TANC1: variants seen among roughly 807,000 people sequenced by gnomAD.
The protein encoded by TANC1 is protein TANC1.
TANC1 carries 77 observed loss-of-function variants against 149.7 expected under a neutral mutation model. That is an observed-to-expected ratio of 0.51 (90% CI 0.43 to 0.62). The LOEUF is 0.62. Ranked by LOEUF, TANC1 falls within the 20% of genes least tolerant of loss-of-function variation. The probability of loss-of-function intolerance (pLI) is 0.00; values close to 1 mark genes in which losing one functional copy is unlikely to be tolerated. For synonymous variants in TANC1, 854 were observed against 925.0 expected (o/e 0.92, Z 1.39); for missense variants, 1,985 against 2,321.8 (o/e 0.85, Z 2.98).
Position 159,001,624 on chromosome 2 carries a change from T to G in TANC1, c.-16+435T>G, listed in dbSNP as rs1272650754. ...GGTTCATTGTCACTTATTAAATATTTGAATGTGTGCTGGGGATTTTGTTAA... is the reference window on the plus strand; with the variant it reads ...GGTTCATTGTCACTTATTAAATATTGGAATGTGTGCTGGGGATTTTGTTAA... On this transcript the variant is annotated intron_variant, in intron 2 of 26. Transcript: ENST00000263635. The surrounding 1 kb of genome is among the most constrained non-coding windows in gnomAD (Gnocchi z 4.3). Among the ~76,000 whole-genome samples, 1 of 152,204 alleles carries G rather than the reference T, an allele frequency of 6.6e-6. No individual in the cohort carries two copies. Among genetic ancestry groups the G allele is most frequent in the East Asian group, 1.9e-4 (1 of 5,194 alleles).
intron 2 of TANC1, among the ~76,000 whole-genome samples, chr2:159,054,163 C>T (rs533745186): frequency 6.6e-6 from 1 of 152,284 alleles, no homozygotes; most frequent in Admixed American, 6.5e-5. Flanking sequence ...GAAAGGAGGC[C>T]TGGTAGACTG....
At chr2:159,064,428 GA>G (rs2042499705) in intron 2 of TANC1, among the ~76,000 whole-genome samples, 1 of 152,166 alleles carries the variant, frequency 6.6e-6, no homozygotes, top group South Asian at 2.1e-4. Context: ...TTCTGCCTAA[GA>G]TACTATCTTT....
intron 3 of TANC1, among the ~76,000 whole-genome samples, chr2:159,090,667 A>G (rs1475367314): frequency 6.6e-6 from 1 of 152,228 alleles, no homozygotes; most frequent in African/African-American, 2.4e-5. Flanking sequence ...AATTCCATGC[A>G]GATTGACGGT....
intron 2 of TANC1, among the ~76,000 whole-genome samples, chr2:159,041,327 A>G (rs566086181): frequency 2.0e-5 from 3 of 152,334 alleles, no homozygotes; most frequent in African/African-American, 7.2e-5. Context: ...GCTGTCAGAC[A>G]GGGACGTTTA....
At chr2:159,156,653 A>C (rs894589518) in intron 7 of TANC1, among the ~76,000 whole-genome samples, 3 of 152,342 alleles carry the variant, frequency 2.0e-5, no homozygotes, top group African/African-American at 7.2e-5. Context: ...CTGACGGAAG[A>C]TGTATGCTGT....
rs1023999823 is a variant in TANC1 at position 159,202,797 on chromosome 2, C to T, written c.3244+3744C>T. 2.0e-5 allele frequency among the ~76,000 whole-genome samples: 3 copies of T among 152,258 alleles called. No individual in the cohort carries two copies. In the East Asian group the frequency reaches 5.8e-4, roughly 29 times the overall value. On this transcript the variant is annotated intron_variant, in intron 19 of 26. Transcript: ENST00000263635. ...AAACATGGTGAGAACCCACCAGATGCTTATGGCATCTGTTTCAGGCATTCC... is the reference window on the plus strand; with the variant it reads ...AAACATGGTGAGAACCCACCAGATGTTTATGGCATCTGTTTCAGGCATTCC...
At position 159,174,935 on chromosome 2, in the gene TANC1, G is replaced by C. The variant is rs372455576; in HGVS notation, c.1504-18G>C. The C allele has an allele frequency of 6.2e-7, 1 of 1,601,546 alleles. No individual in the cohort carries two copies. The highest frequency in any genetic ancestry group is 2.2e-5 in the East Asian group (1 of 44,826). On this transcript the variant is annotated intron_variant, in intron 11 of 26. Transcript: ENST00000263635. ...GTGAAGAGGGTGAGGTGATGCTGAC[G>C]GTTCTGCTTCCCCCTAGGTGGTGGC...
chr2:159,228,176 C>T (rs2060132273), intron 25 of TANC1: 4 of 564,100 alleles, frequency 7.1e-6, no homozygotes, highest in Non-Finnish European at 9.2e-6. Flanking sequence ...TGAAGGAATG[C>T]ACTTGGGTTT....
At chr2:159,228,634 A>G (rs187630168) in intron 25 of TANC1, 162 bp from the exon 26 acceptor site, 3 of 636,558 alleles carry the variant, frequency 4.7e-6, no homozygotes, top group East Asian at 2.6e-5. Context: ...ATCAACCATC[A>G]TTATCTCCTC....
At chr2:159,167,476 G>A (rs6710028) in intron 8 of TANC1, among the ~76,000 whole-genome samples, 104 of 152,262 alleles carry the variant, frequency 6.8e-4, no homozygotes, top group Non-Finnish European at 1.2e-3. Context: ...TTGGATTACC[G>A]TACATTCGAT....
chr2:159,035,297 C>T (rs1162922095), intron 2 of TANC1, among the ~76,000 whole-genome samples: 1 of 152,074 alleles, frequency 6.6e-6, no homozygotes, highest in Non-Finnish European at 1.5e-5. Flanking sequence ...AGTCTCTAAC[C>T]TCCTGTGTTT....
intron 19 of TANC1, 116 bp from the exon 20 acceptor site, chr2:159,217,381 A>C: frequency 7.4e-7 from 1 of 1,348,774 alleles, no homozygotes; most frequent in Admixed American, 2.0e-5. Context: ...GCAGGTTCAA[A>C]GGGGGAGGAC....
intron 12 of TANC1, among the ~76,000 whole-genome samples, chr2:159,176,149 T>G (rs2055835660): frequency 6.6e-6 from 1 of 152,240 alleles, no homozygotes; most frequent in Admixed American, 6.5e-5. Context: ...GTTTGTTTTG[T>G]GAGAATTGGT....
At chr2:159,208,213 A>G (rs1489900093) in intron 19 of TANC1, among the ~76,000 whole-genome samples, 1 of 152,218 alleles carries the variant, frequency 6.6e-6, no homozygotes, top group Admixed American at 6.5e-5. Flanking sequence ...CAGGGTTGTG[A>G]TAAGTTGATT....
chr2:159,218,714 G>T (rs1339806428), intron 20 of TANC1, among the ~76,000 whole-genome samples: 7 of 152,208 alleles, frequency 4.6e-5, no homozygotes, highest in Admixed American at 1.3e-4. Flanking sequence ...TCTCCTCAAG[G>T]TGCTTTGCTA....
intron 5 of TANC1, among the ~76,000 whole-genome samples, chr2:159,140,751 C>T (rs989218277): frequency 1.2e-4 from 16 of 136,842 alleles, no homozygotes; most frequent in African/African-American, 4.1e-4. Flanking sequence ...AGTGCAGTGG[C>T]ACAGTCTCGG....
chr2:158,983,468 C>CAAAAAA (rs35472970), intron 1 of TANC1, among the ~76,000 whole-genome samples: 101 of 88,774 alleles, frequency 1.1e-3, no homozygotes, highest in African/African-American at 2.3e-3. Flanking sequence ...CTCCGTCTCC[C>CAAAAAA]AAAAAAAAAA....
intron 1 of TANC1, among the ~76,000 whole-genome samples, chr2:158,987,393 G>T (rs2035129184): frequency 6.6e-6 from 1 of 151,808 alleles, no homozygotes. Context: ...GGCTGTGGTG[G>T]TGCACACCTG....
chr2:158,982,750 G>A (rs1438223138), intron 1 of TANC1, among the ~76,000 whole-genome samples: 1 of 152,128 alleles, frequency 6.6e-6, no homozygotes, highest in East Asian at 1.9e-4. Flanking sequence ...TGGGACCACA[G>A]GTGTGCACCA....
Sources: gnomAD v4.1 joint callset for allele counts (sites outside exome capture counted in the v4.1 genomes callset) on GRCh38, gnomAD v4.1.1 for gene constraint, Gnocchi (gnomAD v3.1) non-coding constraint, MANE v1.5 for transcripts, NCBI Gene and HGNC (gene_info 2026-07-23, HGNC 2026-07-21) for gene names.